The following FAAH2 variants were observed in gnomAD, a reference collection of about 807,000 sequenced individuals.
FAAH2 encodes fatty acid amide hydrolase 2.
A neutral mutation model predicts 36.9 loss-of-function variants in FAAH2; 60 were observed. The observed-to-expected ratio is 1.63, with a 90% CI of 1.32 to 2.02. The LOEUF (loss-of-function observed/expected upper bound fraction) is 2.02. Ranked by LOEUF, FAAH2 falls within the 30% of genes most tolerant of loss-of-function variation. The pLI is 0.00. For missense variants in FAAH2, 689 were observed against 397.5 expected (o/e 1.73, Z -6.23); for synonymous variants, 214 against 143.8 (o/e 1.49, Z -3.49).
At chrX:57,230,179 T>G in the FAAH2 span, among the ~76,000 whole-genome samples, 43 of 112,221 alleles carry the variant, frequency 3.8e-4, no homozygotes, top group Admixed American at 3.5e-3. Flanking sequence ...TAACTTCTTT[T>G]CCACCCAAAC....
the FAAH2 span, among the ~76,000 whole-genome samples, chrX:57,129,927 T>C: frequency 8.9e-6 from 1 of 112,497 alleles, no homozygotes; most frequent in Non-Finnish European, 1.9e-5. Context: ...CTATTTGCTA[T>C]GATTTTGTAG....
the FAAH2 span, among the ~76,000 whole-genome samples, chrX:57,210,284 T>C: frequency 9.0e-6 from 1 of 111,552 alleles, no homozygotes; most frequent in Admixed American, 9.5e-5. Context: ...GGAGCCAGAA[T>C]TTTTTCTAAT....
the FAAH2 span, among the ~76,000 whole-genome samples, chrX:57,236,913 C>A: frequency 9.1e-6 from 1 of 109,386 alleles, no homozygotes; most frequent in Non-Finnish European, 1.9e-5. Flanking sequence ...CATGTACCAC[C>A]AAAAAAAATT....
the FAAH2 span, among the ~76,000 whole-genome samples, chrX:57,221,903 T>C: frequency 9.0e-6 from 1 of 110,621 alleles, no homozygotes; most frequent in East Asian, 2.9e-4. Flanking sequence ...CCTCTGTAGC[T>C]TATCCCTAAA....
chrX:57,353,742 G>T (rs749747837), intron 5 of FAAH2, among the ~76,000 whole-genome samples: 1 of 110,640 alleles, frequency 9.0e-6, no homozygotes, highest in Admixed American at 9.7e-5. Flanking sequence ...TATATAACAA[G>T]CTCAACTCAA....
At chrX:57,154,506 C>T in the FAAH2 span, among the ~76,000 whole-genome samples, 24 of 109,842 alleles carry the variant, frequency 2.2e-4, no homozygotes, top group Non-Finnish European at 4.2e-4. Flanking sequence ...CTCCTGACCT[C>T]AGGTGATCTG....
At chrX:57,466,166 A>C (rs1203873059) in intron 10 of FAAH2, among the ~76,000 whole-genome samples, 3 of 101,927 alleles carry the variant, frequency 2.9e-5, no homozygotes, top group African/African-American at 1.1e-4. Context: ...CTATATATAT[A>C]TATATATATA....
chrX:57,337,280 A>G (rs2053576656), intron 4 of FAAH2, among the ~76,000 whole-genome samples: 1 of 108,853 alleles, frequency 9.2e-6, no homozygotes, highest in Non-Finnish European at 1.9e-5. Context: ...AAAAAAAAAA[A>G]AAAAGCCCAG....
At chrX:57,331,014 C>T (rs1160678239) in intron 3 of FAAH2, among the ~76,000 whole-genome samples, 1 of 110,655 alleles carries the variant, frequency 9.0e-6, no homozygotes, top group Non-Finnish European at 1.9e-5. Flanking sequence ...TTGGACTGGA[C>T]CTGAATCATG....
chrX:57,250,178 G>A, the FAAH2 span, among the ~76,000 whole-genome samples: 2 of 111,873 alleles, frequency 1.8e-5, no homozygotes, highest in Non-Finnish European at 3.8e-5. Flanking sequence ...ATTTATTGTG[G>A]CATCTCCTTA....
chrX:57,259,297 C>T, the FAAH2 span, among the ~76,000 whole-genome samples: 1 of 111,806 alleles, frequency 8.9e-6, no homozygotes, highest in African/African-American at 3.2e-5. Context: ...GAGATATAGG[C>T]ATTCCCATGA....
intron 7 of FAAH2, chrX:57,393,372 G>T: frequency 1.4e-6 from 1 of 725,772 alleles, no homozygotes; most frequent in Non-Finnish European, 2.2e-6. Context: ...ACCACGTGAG[G>T]GTGGAGACCG....
In FAAH2 at chrX:57,331,756, G is replaced by T; in HGVS notation, c.571G>T (p.Gly191Cys). Residue 191 changes from glycine (G) to cysteine (C), a missense_variant, in exon 4 of 11, where the codon GGC becomes TGC. Transcript: ENST00000374900. ...MWYESSNKIY[G>C]RSNNPYDLQH... Reference sequence around the variant, plus strand: ...GTATGAATCCAGTAACAAGATCTATGGCCGATCAAACAACCCATATGATTT... The same window carrying T: ...GTATGAATCCAGTAACAAGATCTATTGCCGATCAAACAACCCATATGATTT... 1.7e-6 allele frequency: 2 copies of T among 1,211,408 alleles called. No individual in the cohort carries two copies. The highest frequency in any genetic ancestry group is 2.2e-6 in the Non-Finnish European group (2 of 895,443).
chrX:57,346,515 C>T (rs771702793), intron 5 of FAAH2, among the ~76,000 whole-genome samples: 2 of 111,846 alleles, frequency 1.8e-5, no homozygotes, highest in Non-Finnish European at 3.8e-5. Flanking sequence ...AGTGTTGTTA[C>T]ATGTGAGAGA....
At chrX:57,430,086 G>A (rs762985553) in intron 7 of FAAH2, among the ~76,000 whole-genome samples, 57 of 111,457 alleles carry the variant, frequency 5.1e-4, no homozygotes, top group African/African-American at 1.8e-3. Flanking sequence ...CGGATACAAT[G>A]TACATTATTA....
chrX:57,393,815 A>G (rs1178139547), intron 7 of FAAH2: 2 of 870,743 alleles, frequency 2.3e-6, no homozygotes, highest in African/African-American at 2.0e-5. Context: ...TCCAATCGTG[A>G]TCTTCCTCAG....
chrX:57,342,306 G>A (rs1026301184), intron 5 of FAAH2, among the ~76,000 whole-genome samples: 15 of 111,295 alleles, frequency 1.3e-4, no homozygotes, highest in African/African-American at 4.9e-4. Flanking sequence ...CTCATAAGTG[G>A]GAGCTAAATG....
At chrX:57,199,142 T>A in the FAAH2 span, among the ~76,000 whole-genome samples, 1 of 111,708 alleles carries the variant, frequency 9.0e-6, no homozygotes, top group South Asian at 3.9e-4. Flanking sequence ...TTCCCTTTCC[T>A]TTATCTACTT....
At chrX:57,200,504 G>A in the FAAH2 span, among the ~76,000 whole-genome samples, 10 of 108,028 alleles carry the variant, frequency 9.3e-5, no homozygotes, top group Non-Finnish European at 1.3e-4. Flanking sequence ...TCAGCCTCCC[G>A]AATAGCTGGA....
Sources: allele counts gnomAD v4.1 joint callset (sites outside exome capture counted in the v4.1 genomes callset), GRCh38; gene constraint gnomAD v4.1.1; transcripts MANE v1.5; gene names NCBI Gene and HGNC (gene_info 2026-07-23, HGNC 2026-07-21).